The following RBFOX1 variants were observed in gnomAD, a reference collection of about 807,000 sequenced individuals.
RBFOX1 encodes the protein RNA binding fox-1 homolog 1, also known as RNA binding protein fox-1 homolog 1.
A neutral mutation model predicts 57.7 loss-of-function variants in RBFOX1; 8 were observed. The ratio of observed to expected loss-of-function variants is 0.14; its 90% CI spans 0.08 to 0.25. The LOEUF (loss-of-function observed/expected upper bound fraction) is 0.25. Among genes scored for constraint, RBFOX1 ranks in the 10% least tolerant of loss-of-function variants. The pLI is 1.00. For missense variants in RBFOX1, 611 were observed against 548.5 expected, an observed-to-expected ratio of 1.11 and a Z score of -1.14; for synonymous variants, 326 against 222.4, an observed-to-expected ratio of 1.47 and a Z score of -4.15.
intron 1 of RBFOX1, among the ~76,000 whole-genome samples, chr16:6,051,559 C>T (rs2095552077): frequency 6.6e-6 from 1 of 152,072 alleles, no homozygotes; most frequent in Admixed American, 6.5e-5. Context: ...GAACTCCTGA[C>T]CTCAAGTGAT....
intron 3 of RBFOX1, among the ~76,000 whole-genome samples, chr16:5,805,662 A>T (rs114306811): frequency 1.2e-3 from 184 of 152,324 alleles, no homozygotes; most frequent in African/African-American, 4.3e-3. Context: ...CTAGGGTTCC[A>T]GGGGGAAGGA....
chr16:6,541,792 C>G (rs1421063538), intron 2 of RBFOX1, among the ~76,000 whole-genome samples: 1 of 152,076 alleles, frequency 6.6e-6, no homozygotes, highest in Non-Finnish European at 1.5e-5. Context: ...GGACTAGACC[C>G]TAGACTTAGT....
intron 3 of RBFOX1, among the ~76,000 whole-genome samples, chr16:7,051,498 T>C (rs2050066462): frequency 6.6e-6 from 1 of 152,336 alleles, no homozygotes; most frequent in Non-Finnish European, 1.5e-5. Context: ...AGGATCTCTT[T>C]CTGTGATTGA....
intron 7 of RBFOX1, among the ~76,000 whole-genome samples, chr16:7,590,774 A>G (rs6500993): frequency 0.27 from 41,176 of 150,774 alleles, 6,285 homozygotes; most frequent in African/African-American, 0.42. Flanking sequence ...CAGGAGAATC[A>G]CTTGAACCCG....
chr16:5,552,152 G>A (rs376487014), intron 2 of RBFOX1, among the ~76,000 whole-genome samples: 4 of 152,126 alleles, frequency 2.6e-5, no homozygotes, highest in Admixed American at 2.6e-4. Context: ...AGAACTTAAC[G>A]CAAGCGAGCT....
chr16:5,951,412 C>T (rs1406908072), intron 4 of RBFOX1, among the ~76,000 whole-genome samples: 1 of 152,138 alleles, frequency 6.6e-6, no homozygotes, highest in Non-Finnish European at 1.5e-5. Context: ...GGCACCACTG[C>T]ATTCCAGCCT....
At chr16:5,718,570 A>G (rs2051804589) in intron 3 of RBFOX1, among the ~76,000 whole-genome samples, 1 of 152,224 alleles carries the variant, frequency 6.6e-6, no homozygotes, top group Non-Finnish European at 1.5e-5. Context: ...GGGGCTTTGA[A>G]TGACACATAC....
At chr16:6,547,962 A>G (rs1326951000) in intron 2 of RBFOX1, among the ~76,000 whole-genome samples, 1 of 152,220 alleles carries the variant, frequency 6.6e-6, no homozygotes, top group Non-Finnish European at 1.5e-5. Flanking sequence ...CGTAGAGAAG[A>G]CCTATGACAA....
intron 1 of RBFOX1, among the ~76,000 whole-genome samples, chr16:6,272,635 T>G (rs35124205): frequency 0.016 from 2,501 of 152,312 alleles, 31 homozygotes; most frequent in Non-Finnish European, 0.026. Context: ...GCTTAACAAT[T>G]TTGTAAATGA....
chr16:6,019,556 G>T lies in RBFOX1; in HGVS notation c.-563G>T. ...CAGCCCCGGGAACAGCAGAGGCGGC[G>T]GCACTGGCTGGACCCACGCGCGCGC... On this transcript the variant is annotated 5_prime_UTR_variant, in exon 1 of 16. Coordinates refer to ENST00000550418, the MANE Select transcript of RBFOX1 (RefSeq NM_018723.4). The surrounding 1 kb of genome is among the most constrained non-coding windows in gnomAD (Gnocchi z 4.2). The T allele has an allele frequency of 8.9e-7, 1 of 1,127,562 alleles. No individual in the cohort carries two copies. Among genetic ancestry groups the T allele is most frequent in the Non-Finnish European group, 1.1e-6 (1 of 921,310 alleles). The allele number at this position is 1,127,562 out of a possible 1,614,324, so 69.8% of individuals were successfully genotyped here.
intron 1 of RBFOX1, among the ~76,000 whole-genome samples, chr16:5,378,602 A>G (rs1329165978): frequency 6.6e-6 from 1 of 151,556 alleles, no homozygotes; most frequent in East Asian, 1.9e-4. Flanking sequence ...GGGACGTGGT[A>G]CTTTCCATGT....
chr16:5,753,348 T>C (rs2053279928), intron 3 of RBFOX1, among the ~76,000 whole-genome samples: 1 of 152,214 alleles, frequency 6.6e-6, no homozygotes, highest in African/African-American at 2.4e-5. Context: ...TTTTACACTA[T>C]GTGCCCTGAT....
chr16:5,624,272 G>A (rs778871213), intron 3 of RBFOX1, among the ~76,000 whole-genome samples: 6 of 152,190 alleles, frequency 3.9e-5, no homozygotes, highest in Non-Finnish European at 7.3e-5. Context: ...TAGGCTCACT[G>A]CAAGCTCTAC....
intron 3 of RBFOX1, among the ~76,000 whole-genome samples, chr16:6,678,439 T>C (rs2058100470): frequency 6.6e-6 from 1 of 151,872 alleles, no homozygotes; most frequent in Admixed American, 6.6e-5. Context: ...TTATTTATGA[T>C]ATATAATATG....
intron 1 of RBFOX1, among the ~76,000 whole-genome samples, chr16:5,309,938 G>T (rs1010041265): frequency 2.6e-5 from 4 of 152,080 alleles, no homozygotes; most frequent in African/African-American, 9.7e-5. Context: ...TCTTTTTCTG[G>T]TCCTTTGATT....
intron 3 of RBFOX1, among the ~76,000 whole-genome samples, chr16:6,968,492 G>C (rs2084793065): frequency 1.3e-5 from 2 of 152,012 alleles, no homozygotes; most frequent in Non-Finnish European, 2.9e-5. Context: ...TCCCTGCTTT[G>C]GCTGAAGTTC....
intron 3 of RBFOX1, among the ~76,000 whole-genome samples, chr16:6,900,168 G>A (rs2068094440): frequency 1.3e-5 from 2 of 152,158 alleles, no homozygotes; most frequent in Non-Finnish European, 2.9e-5. Context: ...TATTGTTCAT[G>A]TTCTTATGCT....
At chr16:6,729,327 A>G (rs937170890) in intron 3 of RBFOX1, among the ~76,000 whole-genome samples, 1 of 152,170 alleles carries the variant, frequency 6.6e-6, no homozygotes, top group Non-Finnish European at 1.5e-5. Context: ...ACTGTATAGC[A>G]TAGAGTGAGA....
At chr16:5,873,468 A>G (rs1567655129) in intron 4 of RBFOX1, among the ~76,000 whole-genome samples, 1 of 152,198 alleles carries the variant, frequency 6.6e-6, no homozygotes, top group Non-Finnish European at 1.5e-5. Context: ...GCACCAAAGA[A>G]TATTTAAAGA....
Sources: allele counts gnomAD v4.1 joint callset (sites outside exome capture counted in the v4.1 genomes callset), GRCh38; gene constraint gnomAD v4.1.1; non-coding constraint Gnocchi (gnomAD v3.1); transcripts MANE v1.5; gene names NCBI Gene and HGNC (gene_info 2026-07-23, HGNC 2026-07-21).